AFF2: variants seen among roughly 807,000 people sequenced by gnomAD.
AFF2 encodes the protein AF4/FMR2 family member 2.
In AFF2, 14 loss-of-function variants were observed where a neutral mutation model predicts 76.9. The ratio of observed to expected loss-of-function variants is 0.18; its 90% confidence interval spans 0.12 to 0.28. The LOEUF is 0.28. Ranked by LOEUF, AFF2 falls within the 10% of genes least tolerant of loss-of-function variation. AFF2 has a pLI of 1.00. For missense variants in AFF2, 868 were observed against 1,001.1 expected (o/e 0.87, Z 1.79); for synonymous variants, 398 against 366.7 (o/e 1.09, Z -0.98).
At chrX:148,521,670 G>C (rs2052601596) in intron 1 of AFF2, among the ~76,000 whole-genome samples, 1 of 111,714 alleles carries the variant, frequency 9.0e-6, no homozygotes, top group East Asian at 2.8e-4. Flanking sequence ...GAAAGTCAGG[G>C]ACAAAATGAC....
intron 3 of AFF2, among the ~76,000 whole-genome samples, chrX:148,780,107 G>A (rs2069722623): frequency 8.9e-6 from 1 of 112,486 alleles, no homozygotes; most frequent in South Asian, 3.7e-4. Context: ...GGTTTCTGCA[G>A]AGAGATCTGC....
chrX:148,803,314 G>A, intron 3 of AFF2, among the ~76,000 whole-genome samples: 1 of 111,345 alleles, frequency 9.0e-6, no homozygotes, highest in South Asian at 3.8e-4. Context: ...CCAGAATGAT[G>A]GAATCATAGC....
chrX:148,696,368 C>T (rs2054722488), intron 3 of AFF2, among the ~76,000 whole-genome samples: 1 of 110,343 alleles, frequency 9.1e-6, no homozygotes, highest in Non-Finnish European at 1.9e-5. Context: ...TTAATGGGTG[C>T]AGCACACCAA....
chrX:148,874,232 G>T (rs782207079), intron 7 of AFF2, among the ~76,000 whole-genome samples: 5 of 111,622 alleles, frequency 4.5e-5, no homozygotes, highest in African/African-American at 1.6e-4. Context: ...CAGAGACCTG[G>T]TGATTTCCTC....
At chrX:148,867,733 C>G (rs1394561748) in intron 7 of AFF2, among the ~76,000 whole-genome samples, 1 of 111,520 alleles carries the variant, frequency 9.0e-6, no homozygotes, top group Non-Finnish European at 1.9e-5. Flanking sequence ...TCATTCATAC[C>G]TGTCCATACT....
At position 148,994,967 on chromosome X, in the gene AFF2, T is replaced by C. The variant is rs2072577569; in HGVS notation, c.*3635T>C. The C allele has an allele frequency of 8.9e-6, 1 of 111,914 alleles. No individual in the cohort carries two copies. Among genetic ancestry groups the C allele is most frequent in the Non-Finnish European group, 1.9e-5 (1 of 53,111 alleles). The allele number at this position is 111,914 out of a possible 1,213,427, so 9.2% of individuals were successfully genotyped here. A position where few individuals can be genotyped will look rare whatever the true frequency, so the allele number is the denominator to read the frequency against. On this transcript the variant is annotated 3_prime_UTR_variant, in exon 21 of 21. Transcript: ENST00000370460. Reference sequence around the variant, plus strand: ...TCAGTAAAGCAATGAACTGCTTGCTTAGAGAAGCATCACTATCCCCATTGA... The same window carrying C: ...TCAGTAAAGCAATGAACTGCTTGCTCAGAGAAGCATCACTATCCCCATTGA...
chrX:148,937,489 G>C (rs782621663), intron 9 of AFF2, among the ~76,000 whole-genome samples: 13 of 112,546 alleles, frequency 1.2e-4, no homozygotes. Flanking sequence ...TGAAGGAAGA[G>C]TGCAAAATAT....
At chrX:148,616,423 G>T (rs1557250331) in intron 1 of AFF2, among the ~76,000 whole-genome samples, 1 of 111,653 alleles carries the variant, frequency 9.0e-6, no homozygotes, top group Non-Finnish European at 1.9e-5. Context: ...AAAATTAACA[G>T]TTGATGAATA....
At chrX:148,797,068 G>C (rs1557270561) in intron 3 of AFF2, among the ~76,000 whole-genome samples, 2 of 112,524 alleles carry the variant, frequency 1.8e-5, no homozygotes, top group African/African-American at 6.5e-5. Flanking sequence ...GAAAATACTT[G>C]CAGGAATGGC....
chrX:148,757,323 C>T (rs1486138979), intron 3 of AFF2, among the ~76,000 whole-genome samples: 3 of 111,426 alleles, frequency 2.7e-5, no homozygotes, highest in Non-Finnish European at 5.7e-5. Flanking sequence ...TGGTCTTTCG[C>T]GGGAAAGTTT....
intron 7 of AFF2, among the ~76,000 whole-genome samples, chrX:148,876,715 T>C (rs1277139332): frequency 4.5e-5 from 5 of 111,284 alleles, no homozygotes; most frequent in African/African-American, 1.6e-4. Flanking sequence ...TCTGGTGGTG[T>C]AGGGGAGCAC....
intron 1 of AFF2, among the ~76,000 whole-genome samples, chrX:148,647,226 G>T (rs2054152684): frequency 8.9e-6 from 1 of 112,432 alleles, no homozygotes; most frequent in Admixed American, 9.4e-5. Flanking sequence ...CCAAATAAAG[G>T]TGTTTACTGT....
chrX:148,986,226 C>T lies in AFF2; in HGVS notation c.3624-1141C>T, dbSNP rs782201303. On this transcript the variant is annotated intron_variant, in intron 19 of 20. Transcript: ENST00000370460. Reference sequence around the variant, plus strand: ...TGGAGTCCTAAAGACATCTTCCCTCCATTTCATTTACTCACTCATTATGTT... The same window carrying T: ...TGGAGTCCTAAAGACATCTTCCCTCTATTTCATTTACTCACTCATTATGTT... Among the ~76,000 whole-genome samples the T allele has an allele frequency of 3.6e-5, 4 of 112,207 alleles. No homozygotes were observed. In the South Asian group the frequency reaches 1.5e-3, roughly 42 times the overall value.
In AFF2 at chrX:148,724,529, C is replaced by CA. The variant is rs782411270; in HGVS notation, c.1041+61762dup. Among the ~76,000 whole-genome samples the CA allele has an allele frequency of 2.8e-3, 310 of 111,706 alleles. 1 individual carries two copies. Among genetic ancestry groups the CA allele is most frequent in the Middle Eastern group, 4.6e-3 (1 of 218 alleles). ...ACTTATGATGAATAAAATATTAGAC[C>CA]AGGTCTTTTACCTACTTTGCCCTTA... On this transcript the variant is annotated intron_variant, in intron 3 of 20. Transcript: ENST00000370460.
chrX:148,836,339 A>C (rs1295666150), intron 4 of AFF2, among the ~76,000 whole-genome samples: 3 of 112,022 alleles, frequency 2.7e-5, no homozygotes, highest in Non-Finnish European at 5.6e-5. Context: ...TGAATCTGTG[A>C]AGTATCTCCT....
chrX:148,765,164 G>A (rs2069498183), intron 3 of AFF2, among the ~76,000 whole-genome samples: 1 of 111,985 alleles, frequency 8.9e-6, no homozygotes, highest in South Asian at 3.8e-4. Context: ...GGGATTACAG[G>A]CATGAGCCAC....
In AFF2 at chrX:148,501,084, G is replaced by A; in HGVS notation, c.-14G>A. 1 of 1,208,408 alleles carries A rather than the reference G, an allele frequency of 8.3e-7. No homozygotes were observed. The highest frequency in any genetic ancestry group is 1.7e-5 in the African/African-American group (1 of 57,635). On this transcript the variant is annotated 5_prime_UTR_variant, in exon 1 of 21. Transcript: ENST00000370460. ...CAGGGACAGGCGCCCGCCCGCCGCC[G>A]CCGCCTGGCCGCTATGGATCTATTC...
At chrX:148,728,742 C>T (rs1446837945) in intron 3 of AFF2, among the ~76,000 whole-genome samples, 4 of 112,033 alleles carry the variant, frequency 3.6e-5, no homozygotes, top group African/African-American at 1.3e-4. Context: ...ACCTCTATGC[C>T]TAGTTACATG....
chrX:148,695,052 G>A (rs1342061593), intron 3 of AFF2, among the ~76,000 whole-genome samples: 3 of 110,370 alleles, frequency 2.7e-5, no homozygotes, highest in East Asian at 2.8e-4. Context: ...CTGACCTCAG[G>A]TGATCCACCT....
Sources: gnomAD v4.1 joint callset for allele counts (sites outside exome capture counted in the v4.1 genomes callset) on GRCh38, gnomAD v4.1.1 for gene constraint, MANE v1.5 for transcripts, NCBI Gene and HGNC (gene_info 2026-07-23, HGNC 2026-07-21) for gene names.